The following DLGAP2 variants were observed in gnomAD, a reference collection of about 807,000 sequenced individuals.
The protein encoded by DLGAP2 is disks large-associated protein 2.
DLGAP2 carries 26 observed loss-of-function variants against 100.3 expected under a neutral mutation model. The ratio of observed to expected loss-of-function variants is 0.26; its 90% CI spans 0.19 to 0.36. The LOEUF (loss-of-function observed/expected upper bound fraction) is 0.36, where lower values mean the gene tolerates loss of function less well. DLGAP2 is among the 10% of genes least tolerant of loss of function. DLGAP2 has a pLI of 1.00. For synonymous variants in DLGAP2, 886 were observed against 630.1 expected, an observed-to-expected ratio of 1.41 and a Z score of -6.08; for missense variants, 1,858 against 1,453.2, an observed-to-expected ratio of 1.28 and a Z score of -4.53.
At chr8:895,257 G>T (rs780644566) in intron 1 of DLGAP2, among the ~76,000 whole-genome samples, 1 of 152,044 alleles carries the variant, frequency 6.6e-6, no homozygotes, top group Non-Finnish European at 1.5e-5. Context: ...TATGCAGGAC[G>T]GATACATCAT....
At chr8:869,004 C>T (rs1797549347) in intron 1 of DLGAP2, among the ~76,000 whole-genome samples, 2 of 152,176 alleles carry the variant, frequency 1.3e-5, no homozygotes, top group Admixed American at 1.3e-4. Flanking sequence ...AACTTTGATC[C>T]ACAGAAAAGG....
intron 3 of DLGAP2, among the ~76,000 whole-genome samples, chr8:1,382,308 G>A (rs10086604): frequency 0.12 from 18,299 of 152,270 alleles, 1,652 homozygotes; most frequent in East Asian, 0.23. Flanking sequence ...CGTTGAGTGG[G>A]CTCAGGAGGA....
intron 1 of DLGAP2, among the ~76,000 whole-genome samples, chr8:747,018 G>A (rs73523296): frequency 6.6e-6 from 1 of 151,924 alleles, no homozygotes; most frequent in Non-Finnish European, 1.5e-5. Flanking sequence ...CCAGTGGCTA[G>A]GAAGGGAAAT....
intron 3 of DLGAP2, among the ~76,000 whole-genome samples, chr8:1,457,834 C>T (rs893540788): frequency 3.3e-5 from 5 of 151,676 alleles, no homozygotes; most frequent in South Asian, 2.1e-4. Flanking sequence ...TGCAGAGTCA[C>T]GCAACTCACT....
chr8:1,669,664 G>A (rs558406181), intron 9 of DLGAP2, 79 bp from the exon 10 acceptor site: 8 of 778,324 alleles, frequency 1.0e-5, no homozygotes, highest in Admixed American at 3.4e-5. Context: ...GCATGCGGGC[G>A]GAGAGAGCAG....
At chr8:1,224,215 C>G (rs1035269728) in intron 2 of DLGAP2, among the ~76,000 whole-genome samples, 3 of 152,088 alleles carry the variant, frequency 2.0e-5, no homozygotes, top group East Asian at 1.9e-4. Flanking sequence ...TAGCATTTAC[C>G]TGGCATTCGT....
chr8:818,285 G>A (rs915689531), intron 1 of DLGAP2, among the ~76,000 whole-genome samples: 2 of 152,178 alleles, frequency 1.3e-5, no homozygotes, highest in African/African-American at 4.8e-5. Context: ...GTGGGGGAAA[G>A]CTGTCAGTGA....
Position 1,668,582 on chromosome 8 carries a change from G to A in DLGAP2, c.2064G>A (p.Glu688=). ...ETAAAQRHLP[E]SQSSSVRTSD... is the part of the protein sequence containing the mutation. ...CCGCTGCCCAGCGCCACCTGCCAGA[G>A]AGCCAGAGCAGCTCTGTGCGGACCA... The change falls in exon 9 of 15, where the codon GAG becomes GAA. Residue 688 remains glutamate, a synonymous_variant. Transcript: ENST00000637795. The A allele has an allele frequency of 6.3e-7, 1 of 1,597,088 alleles. No individual in the cohort carries two copies. Among genetic ancestry groups the A allele is most frequent in the African/African-American group, 1.3e-5 (1 of 74,644 alleles).
chr8:1,356,809 C>T (rs1412666177), intron 3 of DLGAP2, among the ~76,000 whole-genome samples: 3 of 152,256 alleles, frequency 2.0e-5, no homozygotes, highest in African/African-American at 7.2e-5. Context: ...TGAGTATAAG[C>T]AAAGGGCCGT....
At chr8:1,542,632 A>T (rs1251608968) in intron 4 of DLGAP2, among the ~76,000 whole-genome samples, 2 of 152,190 alleles carry the variant, frequency 1.3e-5, no homozygotes, top group African/African-American at 4.8e-5. Flanking sequence ...ATGTTTGTCC[A>T]TTCATCCGTC....
chr8:1,676,552 C>T lies in DLGAP2; in HGVS notation c.2222C>T (p.Ser741Phe). 6.2e-7 allele frequency: 1 copy of T among 1,613,466 alleles called. No individual in the cohort carries two copies. The highest frequency in any genetic ancestry group is 8.5e-7 in the Non-Finnish European group (1 of 1,179,710). Reference sequence around the variant, plus strand: ...AATTAGGTGGAAACGGCCACAGATTCTGACACGGAGAGCCGCGGTCTGCGG... The same window carrying T: ...AATTAGGTGGAAACGGCCACAGATTTTGACACGGAGAGCCGCGGTCTGCGG... ...PRSDVETATD[S>F]DTESRGLREY... Residue 741 changes from serine (S) to phenylalanine (F), a missense_variant, in exon 11 of 15, where the codon TCT becomes TTT. Ser to Phe is a radical substitution (Grantham distance 155). Coordinates refer to ENST00000637795, the MANE Select transcript of DLGAP2 (RefSeq NM_001346810.2).
chr8:1,191,647 GCA>G (rs1797642024), intron 2 of DLGAP2, among the ~76,000 whole-genome samples: 2 of 152,068 alleles, frequency 1.3e-5, no homozygotes, highest in Non-Finnish European at 2.9e-5. Flanking sequence ...GTTGCAATGA[GCA>G]GACAAAGCTT....
intron 3 of DLGAP2, among the ~76,000 whole-genome samples, chr8:1,289,259 G>A (rs750291294): frequency 6.6e-6 from 1 of 152,194 alleles, no homozygotes; most frequent in Non-Finnish European, 1.5e-5. Flanking sequence ...CAGTAAGTTT[G>A]CTATAGGATT....
At chr8:1,233,061 C>G (rs974717110) in intron 2 of DLGAP2, among the ~76,000 whole-genome samples, 1 of 152,192 alleles carries the variant, frequency 6.6e-6, no homozygotes, top group Middle Eastern at 3.2e-3. Flanking sequence ...GTTTCTTCCA[C>G]TTAGCACCAC....
chr8:1,431,425 C>A (rs1279645880), intron 3 of DLGAP2, among the ~76,000 whole-genome samples: 7 of 152,216 alleles, frequency 4.6e-5, no homozygotes, highest in Non-Finnish European at 8.8e-5. Context: ...GTGTCAAGCT[C>A]AGTTCCGTTG....
intron 2 of DLGAP2, among the ~76,000 whole-genome samples, chr8:917,126 C>G (rs989975821): frequency 4.6e-5 from 7 of 152,148 alleles, no homozygotes; most frequent in African/African-American, 1.7e-4. Context: ...AGTGAAGGGC[C>G]GGGGATAGTA....
At chr8:1,044,498 A>T (rs1463718985) in intron 2 of DLGAP2, among the ~76,000 whole-genome samples, 1 of 152,202 alleles carries the variant, frequency 6.6e-6, no homozygotes, top group African/African-American at 2.4e-5. Flanking sequence ...CTAGCGCTGA[A>T]ATCTGTGCCA....
At position 1,497,593 on chromosome 8, in the gene DLGAP2, C is replaced by T. The variant is rs1355219553; in HGVS notation, c.107-3773C>T. On this transcript the variant is annotated intron_variant, in intron 3 of 14. Coordinates refer to ENST00000637795, the MANE Select transcript of DLGAP2 (RefSeq NM_001346810.2). ...TCTTTAAGCATAGATAAGGGCATTT[C>T]TGAGGTCGCTGAGATGGTAATTAGC... Among the ~76,000 whole-genome samples, 3 of 152,312 alleles carry T rather than the reference C, an allele frequency of 2.0e-5. No homozygotes were observed. The East Asian group carries it at 5.8e-4, about 29-fold the overall frequency.
At chr8:1,129,877 T>G (rs1796249368) in intron 2 of DLGAP2, among the ~76,000 whole-genome samples, 2 of 152,196 alleles carry the variant, frequency 1.3e-5, no homozygotes, top group African/African-American at 4.8e-5. Flanking sequence ...GGACCACATT[T>G]GTAAAGCCTG....
Sources: allele counts gnomAD v4.1 joint callset (sites outside exome capture counted in the v4.1 genomes callset), GRCh38; gene constraint gnomAD v4.1.1; transcripts MANE v1.5; gene names NCBI Gene and HGNC (gene_info 2026-07-23, HGNC 2026-07-21).